NAV1: variants seen among roughly 807,000 people sequenced by gnomAD.
The protein encoded by NAV1 is neuron navigator 1.
Under a neutral mutation model 175.2 loss-of-function variants are expected in NAV1, and 18 were observed. That is an observed-to-expected ratio of 0.10 (90% confidence interval 0.07 to 0.15). The LOEUF (loss-of-function observed/expected upper bound fraction) is 0.15, where lower values mean the gene tolerates loss of function less well. NAV1 is among the 10% of genes least tolerant of loss of function. The pLI is 1.00. For synonymous variants in NAV1, 897 were observed against 978.7 expected, an observed-to-expected ratio of 0.92 and a Z score of 1.56; for missense variants, 1,731 against 2,436.6, an observed-to-expected ratio of 0.71 and a Z score of 6.10.
Position 201,782,770 on chromosome 1 carries a change from T to A in NAV1, c.2258T>A (p.Ile753Asn). 6.2e-7 allele frequency: 1 copy of A among 1,613,638 alleles called. No homozygotes were observed. The highest frequency in any genetic ancestry group is 8.5e-7 in the Non-Finnish European group (1 of 1,179,908). Reference sequence around the variant, plus strand: ...GCAGTGGCCTTGGACTCAGACAACATCTCCTTGAAGAGTATTGGCTCCCCA... The same window carrying A: ...GCAGTGGCCTTGGACTCAGACAACAACTCCTTGAAGAGTATTGGCTCCCCA... The change falls in exon 6 of 30, where the codon ATC (isoleucine) becomes AAC (asparagine). Residue 753 changes from isoleucine to asparagine, a missense_variant. Transcript: ENST00000367296. This position sits in a 1 kb window ranked among gnomAD's most constrained non-coding sequence, Gnocchi z 5.4.
intron 2 of NAV1, among the ~76,000 whole-genome samples, chr1:201,714,421 C>T (rs1368722033): frequency 6.6e-6 from 1 of 152,170 alleles, no homozygotes; most frequent in African/African-American, 2.4e-5. Context: ...CCAGACATCT[C>T]GAGTATTTTA....
chr1:201,594,929 C>T (rs1421281071), intron 2 of NAV1, among the ~76,000 whole-genome samples: 2 of 152,232 alleles, frequency 1.3e-5, no homozygotes, highest in Non-Finnish European at 2.9e-5. Context: ...CTTCTCTATG[C>T]AGGAGGGCAT....
At chr1:201,816,152 A>G (rs1679016269) in intron 28 of NAV1, among the ~76,000 whole-genome samples, 1 of 152,162 alleles carries the variant, frequency 6.6e-6, no homozygotes, top group Admixed American at 6.5e-5. Flanking sequence ...CAGGTAGATC[A>G]TCTGAGGTCA....
chr1:201,718,385 C>A lies in NAV1; in HGVS notation c.861-5C>A. The A allele has an allele frequency of 6.5e-7, 1 of 1,533,562 alleles. No homozygotes were observed. Among genetic ancestry groups the A allele is most frequent in the Non-Finnish European group, 8.8e-7 (1 of 1,135,562 alleles). 95.0% of individuals were successfully genotyped at this position (1,533,562 alleles called of 1,614,324 possible). A position where few individuals can be genotyped will look rare whatever the true frequency, so the allele number is the denominator to read the frequency against. On this transcript the variant is annotated splice_polypyrimidine_tract_variant and splice_region_variant and intron_variant, in intron 2 of 29. Coordinates refer to ENST00000367296, the Ensembl canonical transcript of NAV1. The surrounding 1 kb of genome is among the most constrained non-coding windows in gnomAD (Gnocchi z 4.8). ...ACTAAGTAGTGCCTTCTGCTCTCCA[C>A]CCAGCTCCCTGGAGATGACCTGCTA...
chr1:201,709,145 C>CAA (rs1303364669), intron 1 of NAV1, among the ~76,000 whole-genome samples: 1 of 144,034 alleles, frequency 6.9e-6, no homozygotes, highest in Admixed American at 6.9e-5. Flanking sequence ...ACCCTGTCTC[C>CAA]AAAAAAAAAA....
chr1:201,811,677 G>A, exon 25 of NAV1: 1 of 1,613,926 alleles, frequency 6.2e-7, no homozygotes, highest in Non-Finnish European at 8.5e-7. Flanking sequence ...TGCCCCTGGT[G>A]ATTCTATTGG....
Position 201,643,226 on chromosome 1 carries a change from TTTTC to T in NAV1, c.5-5395_5-5392del, listed in dbSNP as rs369019049. Among the ~76,000 whole-genome samples, 48 of 144,558 alleles carry T rather than the reference TTTTC, an allele frequency of 3.3e-4. 1 individual carries two copies. Among genetic ancestry groups the T allele is most frequent in the Admixed American group, 1.4e-3 (20 of 14,760 alleles). 94.8% of individuals were successfully genotyped at this position (144,558 alleles called of 152,430 possible). A position where few individuals can be genotyped will look rare whatever the true frequency, so the allele number is the denominator to read the frequency against. ...CCTTCCTTCCCTTCCTTCTCTTCCCTTTTCTTTCTTTCTTTCCTTCCTTCCTCCC... is the reference window on the plus strand; with the variant it reads ...CCTTCCTTCCCTTCCTTCTCTTCCCTTTTCTTTCTTTCCTTCCTTCCTCCC... On this transcript the variant is annotated intron_variant, in intron 2 of 29. Coordinates refer to the NAV1 transcript ENST00000367302.
At chr1:201,644,095 G>C (rs943048987), upstream of NAV1, among the ~76,000 whole-genome samples, 3 of 152,084 alleles carry the variant, frequency 2.0e-5, no homozygotes, top group Non-Finnish European at 4.4e-5. Context: ...GCCTCTTTCT[G>C]CACCTCCCCT....
At chr1:201,803,642 C>A in exon 16 of NAV1, 1 of 1,613,808 alleles carries the variant, frequency 6.2e-7, no homozygotes, top group African/African-American at 1.3e-5. Context: ...CAAGCCTCAA[C>A]AGCATCACTA....
intron 1 of NAV1, among the ~76,000 whole-genome samples, chr1:201,707,182 G>T (rs760980995): frequency 1.2e-4 from 18 of 152,142 alleles, no homozygotes; most frequent in Non-Finnish European, 2.5e-4. Context: ...CCAAAGCAAG[G>T]TTCCGGAAGA....
intron 2 of NAV1, among the ~76,000 whole-genome samples, chr1:201,615,267 C>CTTTTTTTT (rs949162841): frequency 3.5e-5 from 5 of 141,972 alleles, no homozygotes; most frequent in African/African-American, 1.3e-4. Context: ...TTCTTTCTTT[C>CTTTTTTTT]TTTTTTTTTT....
chr1:201,594,879 A>T (rs1267376694), intron 2 of NAV1, among the ~76,000 whole-genome samples: 2 of 152,250 alleles, frequency 1.3e-5, no homozygotes, highest in Non-Finnish European at 2.9e-5. Context: ...TTAGAGGGTC[A>T]GGCCTGAGAA....
exon 30 of NAV1, chr1:201,820,002 C>T (rs1209242743): frequency 2.1e-6 from 3 of 1,417,780 alleles, no homozygotes; most frequent in Non-Finnish European, 3.0e-6. Context: ...CCTCCTCTCC[C>T]CTCTCCTCTT....
chr1:201,782,406 C>A lies in NAV1; in HGVS notation c.1894C>A (p.Gln632Lys). Residue 632 changes from glutamine (Q) to lysine (K), a missense_variant, in exon 6 of 30, where the codon CAG becomes AAG. By Grantham distance (53) the Gln-to-Lys change is moderately conservative. Coordinates refer to ENST00000367296, the Ensembl canonical transcript of NAV1. The surrounding 1 kb of genome is among the most constrained non-coding windows in gnomAD (Gnocchi z 5.4). Reference sequence around the variant, plus strand: ...TGGTTCAGCCACTCTCAGCAAGATCCAGAAGTCCTCAGGCATCCCTGTCAA... The same window carrying A: ...TGGTTCAGCCACTCTCAGCAAGATCAAGAAGTCCTCAGGCATCCCTGTCAA... 2 of 1,614,088 alleles carry A rather than the reference C, an allele frequency of 1.2e-6. No individual in the cohort carries two copies. Among genetic ancestry groups the A allele is most frequent in the Non-Finnish European group, 1.7e-6 (2 of 1,179,982 alleles).
chr1:201,640,538 T>C (rs1169144086), intron 2 of NAV1, among the ~76,000 whole-genome samples: 3 of 152,220 alleles, frequency 2.0e-5, no homozygotes, highest in Non-Finnish European at 4.4e-5. Flanking sequence ...ACTATCCCCA[T>C]GCCTCTGGAC....
intron 28 of NAV1, 132 bp from the exon 33 acceptor site, chr1:201,816,956 G>C: frequency 1.4e-6 from 1 of 738,890 alleles, no homozygotes; most frequent in Non-Finnish European, 2.2e-6. Flanking sequence ...TTACAGGCAT[G>C]AGCCACTGCG....
rs753354868 is a variant in NAV1, at chr1:201,780,458, G to A, written c.1264G>A (p.Asp422Asn). The change falls in exon 4 of 30, where the codon GAT becomes AAT. Residue 422 changes from aspartate to asparagine, a missense_variant. By Grantham distance (23) the Asp-to-Asn change is conservative. This residue lies in a region of NAV1 where 7 missense variants were observed against 28.9 expected (regional missense o/e 0.24). Coordinates refer to ENST00000367296, the Ensembl canonical transcript of NAV1. Reference sequence around the variant, plus strand: ...CAGCTCCATCAGTAGTGGACTCAGCGATGCCTCAGACAATCTCAGTTCAGA... The same window carrying A: ...CAGCTCCATCAGTAGTGGACTCAGCAATGCCTCAGACAATCTCAGTTCAGA... 7.4e-6 allele frequency: 12 copies of A among 1,614,202 alleles called. No homozygotes were observed. Among genetic ancestry groups the A allele is most frequent in the African/African-American group, 2.7e-5 (2 of 75,050 alleles).
chr1:201,605,900 G>A (rs1046414877), intron 2 of NAV1, among the ~76,000 whole-genome samples: 4 of 152,204 alleles, frequency 2.6e-5, no homozygotes, highest in Non-Finnish European at 5.9e-5. Flanking sequence ...TCCATCTCCA[G>A]GCTGTGGTTG....
At chr1:201,655,990 A>C in intron 1 of NAV1, among the ~76,000 whole-genome samples, 1 of 152,080 alleles carries the variant, frequency 6.6e-6, no homozygotes, top group East Asian at 1.9e-4. Context: ...TAGAGATGGG[A>C]GGGCATGGAG....
Sources: allele counts gnomAD v4.1 joint callset (sites outside exome capture counted in the v4.1 genomes callset), GRCh38; gene constraint gnomAD v4.1.1; regional missense constraint gnomAD v4.1.1; non-coding constraint Gnocchi (gnomAD v3.1); transcripts MANE v1.5; gene names NCBI Gene and HGNC (gene_info 2026-07-23, HGNC 2026-07-21).